The following SLC39A11 variants were observed in gnomAD, a reference collection of about 807,000 sequenced individuals.
The protein encoded by SLC39A11 is zinc transporter ZIP11.
Under a neutral mutation model 36.1 loss-of-function variants are expected in SLC39A11, and 33 were observed. That is an observed-to-expected ratio of 0.91 (90% confidence interval 0.69 to 1.22). SLC39A11 has a LOEUF of 1.22. SLC39A11 is among the 50% of genes most tolerant of loss of function. The pLI, the probability that SLC39A11 is intolerant of heterozygous loss-of-function variation, is 0.00. For missense variants in SLC39A11, 432 were observed against 430.3 expected (o/e 1.00, Z -0.03); for synonymous variants, 166 against 170.3 (o/e 0.97, Z 0.20).
Position 72,894,360 on chromosome 17 carries a change from C to CA in SLC39A11, c.431-44557dup, listed in dbSNP as rs57105586. ...CTGGCAACAGAGTGAGACTCTGTCT[C>CA]AAAAAAAAAAAAAAAAAAAAAAAAA... On this transcript the variant is annotated intron_variant, in intron 5 of 9. Coordinates refer to ENST00000255559, the MANE Select transcript of SLC39A11 (RefSeq NM_139177.4). Among the ~76,000 whole-genome samples the CA allele has an allele frequency of 8.4e-3, 248 of 29,670 alleles. 31 individuals carry two copies. Among genetic ancestry groups the CA allele is most frequent in the Non-Finnish European group, 0.011 (199 of 17,528 alleles). The allele number at this position is 29,670 out of a possible 152,430, so 19.5% of individuals were successfully genotyped here.
At chr17:73,010,931 T>C (rs2090475321) in intron 4 of SLC39A11, among the ~76,000 whole-genome samples, 1 of 152,244 alleles carries the variant, frequency 6.6e-6, no homozygotes, top group Non-Finnish European at 1.5e-5. Flanking sequence ...TCCTCTGATC[T>C]TCACAACCTC....
chr17:72,703,554 C>T (rs1378440060), intron 7 of SLC39A11, among the ~76,000 whole-genome samples: 4 of 152,116 alleles, frequency 2.6e-5, no homozygotes, highest in Non-Finnish European at 5.9e-5. Flanking sequence ...ACAATATGCC[C>T]GTGAAACACA....
intron 5 of SLC39A11, among the ~76,000 whole-genome samples, chr17:72,936,763 G>A (rs568806622): frequency 1.4e-5 from 1 of 70,988 alleles, no homozygotes; most frequent in East Asian, 4.1e-4. Flanking sequence ...GTAGGGGGTG[G>A]TTTCAGGATG....
intron 5 of SLC39A11, among the ~76,000 whole-genome samples, chr17:72,869,761 C>T (rs1198840251): frequency 4.6e-5 from 7 of 152,248 alleles, no homozygotes; most frequent in East Asian, 1.9e-4. Flanking sequence ...TCCCCATGCC[C>T]GGATAATCCC....
chr17:72,704,359 G>C (rs1054927552), intron 7 of SLC39A11, among the ~76,000 whole-genome samples: 1 of 152,202 alleles, frequency 6.6e-6, no homozygotes, highest in Admixed American at 6.5e-5. Context: ...TAGGAAGTCT[G>C]ACTTCAGGGT....
intron 5 of SLC39A11, among the ~76,000 whole-genome samples, chr17:72,879,750 T>C (rs754122592): frequency 6.6e-6 from 1 of 152,168 alleles, no homozygotes; most frequent in Non-Finnish European, 1.5e-5. Context: ...TGCCCTCCCA[T>C]TGTTTCTATA....
intron 6 of SLC39A11, among the ~76,000 whole-genome samples, chr17:72,799,732 C>G (rs1023596376): frequency 1.3e-5 from 2 of 151,704 alleles, no homozygotes; most frequent in African/African-American, 4.8e-5. Context: ...TGCTCTCGAA[C>G]CCTGTTTTCT....
chr17:72,999,019 C>A (rs16977477), intron 4 of SLC39A11, among the ~76,000 whole-genome samples: 5,062 of 152,208 alleles, frequency 0.033, 297 homozygotes, highest in African/African-American at 0.11. Context: ...GAACAATGAC[C>A]AGGACAAGGA....
At chr17:72,751,549 T>G (rs1025225881) in intron 6 of SLC39A11, among the ~76,000 whole-genome samples, 9 of 152,192 alleles carry the variant, frequency 5.9e-5, no homozygotes, top group Non-Finnish European at 1.2e-4. Flanking sequence ...ATCACTTTTG[T>G]ACAGCCATCG....
chr17:73,092,261 C>T (rs2060948351), intron 1 of SLC39A11: 1 of 152,264 alleles, frequency 6.6e-6, no homozygotes, highest in Non-Finnish European at 1.5e-5. Context: ...GTAGCTGCCT[C>T]TGCTCCCAGG....
intron 6 of SLC39A11, among the ~76,000 whole-genome samples, chr17:72,781,414 T>G (rs1267399324): frequency 2.2e-5 from 3 of 135,602 alleles, no homozygotes; most frequent in South Asian, 2.2e-4. Flanking sequence ...TTTCTTTTGG[T>G]TTTTTTTTTT....
intron 6 of SLC39A11, among the ~76,000 whole-genome samples, chr17:72,741,990 T>A (rs1343848322): frequency 6.6e-6 from 1 of 152,054 alleles, no homozygotes; most frequent in Non-Finnish European, 1.5e-5. Context: ...TTGCTTGAGA[T>A]CAGGAGCTCA....
intron 5 of SLC39A11, among the ~76,000 whole-genome samples, chr17:72,925,003 A>G: frequency 7.2e-6 from 1 of 139,860 alleles, no homozygotes; most frequent in Non-Finnish European, 1.5e-5. Flanking sequence ...CTCCATTTCA[A>G]AAAAAAAAAA....
At chr17:72,699,714 AC>A (rs1489447147) in intron 7 of SLC39A11, among the ~76,000 whole-genome samples, 1 of 152,210 alleles carries the variant, frequency 6.6e-6, no homozygotes, top group Non-Finnish European at 1.5e-5. Flanking sequence ...CAACCCTGAG[AC>A]AGAGCTGGCA....
At chr17:72,974,570 C>A (rs944785290) in intron 4 of SLC39A11, among the ~76,000 whole-genome samples, 4 of 152,042 alleles carry the variant, frequency 2.6e-5, no homozygotes, top group African/African-American at 9.7e-5. Context: ...AGTGTTATTA[C>A]AAAAGAGTCA....
chr17:72,768,272 C>A (rs1318241471), intron 6 of SLC39A11, among the ~76,000 whole-genome samples: 1 of 152,202 alleles, frequency 6.6e-6, no homozygotes, highest in Non-Finnish European at 1.5e-5. Context: ...CCTCACAAGG[C>A]AGTTGAGTTT....
chr17:72,896,729 G>T (rs1322048261), intron 5 of SLC39A11, among the ~76,000 whole-genome samples: 1 of 151,980 alleles, frequency 6.6e-6, no homozygotes, highest in East Asian at 1.9e-4. Context: ...GGGAGTGAGG[G>T]AAAGGGACAT....
At position 72,646,933 on chromosome 17, in the gene SLC39A11, G is replaced by A. The variant is rs1206376797; in HGVS notation, c.*651C>T. 7.6e-6 allele frequency: 1 copy of A among 131,554 alleles called. No individual in the cohort carries two copies. Among genetic ancestry groups the A allele is most frequent in the Admixed American group, 8.5e-5 (1 of 11,724 alleles). 8.1% of individuals were successfully genotyped at this position (131,554 alleles called of 1,614,324 possible). A position where few individuals can be genotyped will look rare whatever the true frequency, so the allele number is the denominator to read the frequency against. ...TCCTCATCCCCTTTCCTTCAATAAT[G>A]TCAATCTTTGCCTTTAAAAAAAAAA... On this transcript the variant is annotated 3_prime_UTR_variant, in exon 10 of 10. Transcript: ENST00000255559.
chr17:73,048,108 C>T (rs370371238), intron 3 of SLC39A11, among the ~76,000 whole-genome samples: 44 of 146,696 alleles, frequency 3.0e-4, no homozygotes, highest in African/African-American at 9.6e-4. Context: ...GGTACAGGTA[C>T]AGCTTTGTTA....
Sources: gnomAD v4.1 joint callset for allele counts (sites outside exome capture counted in the v4.1 genomes callset) on GRCh38, gnomAD v4.1.1 for gene constraint, MANE v1.5 for transcripts, NCBI Gene and HGNC (gene_info 2026-07-23, HGNC 2026-07-21) for gene names.